Variants in GSE1 observed in about 807,000 individuals in gnomAD.
GSE1 encodes genetic suppressor element 1.
GSE1 carries 32 observed loss-of-function variants against 112.6 expected under a neutral mutation model. That is an observed-to-expected ratio of 0.28 (90% CI 0.21 to 0.38). The LOEUF (loss-of-function observed/expected upper bound fraction) is 0.38, where lower values mean the gene tolerates loss of function less well. Among genes scored for constraint, GSE1 ranks in the 10% least tolerant of loss-of-function variants. The pLI, the probability that GSE1 is intolerant of heterozygous loss-of-function variation, is 1.00. For missense variants in GSE1, 2,348 were observed against 1,699.2 expected, an observed-to-expected ratio of 1.38 and a Z score of -6.71; for synonymous variants, 1,115 against 735.6, an observed-to-expected ratio of 1.52 and a Z score of -8.35.
At position 85,262,386 on chromosome 16, in the gene GSE1, T is replaced by C. The variant is rs1597222761; in HGVS notation, c.2283+90579T>C. Among the ~76,000 whole-genome samples the C allele has an allele frequency of 2.0e-5, 3 of 152,286 alleles. No homozygotes were observed. The East Asian group carries it at 5.8e-4, about 29-fold the overall frequency. ...GTCGGGGAGGGGGCCAGCTAGAGTT[T>C]GCATCGCTTTTGACAGCTAATTAGC... On this transcript the variant is annotated intron_variant, in intron 1 of 2. Transcript: ENST00000637419.
intron 1 of GSE1, among the ~76,000 whole-genome samples, chr16:85,595,999 C>T (rs995638127): frequency 6.8e-6 from 1 of 146,842 alleles, no homozygotes; most frequent in Admixed American, 6.9e-5. Flanking sequence ...CCTCCATCCG[C>T]CCACCCATTC....
rs748516718 is a variant in GSE1, at chr16:85,661,492, G to C, written c.1987G>C (p.Glu663Gln). 1.9e-6 allele frequency: 3 copies of C among 1,611,842 alleles called. No homozygotes were observed. Among genetic ancestry groups the C allele is most frequent in the Non-Finnish European group, 1.7e-6 (2 of 1,179,532 alleles). The stretch of plus-strand genomic sequence containing the variant: ...GCCACCACGAGAGGGAGGGAGCCTG[G>C]AGCACCAGCCCTTCCTGCCCGGGCC... ...PPPPREGGSL[E>Q]HQPFLPGPGP... Residue 663 changes from glutamate to glutamine, a missense_variant, in exon 9 of 16, where the codon GAG (glutamate) becomes CAG (glutamine). Glu to Gln is a conservative substitution (Grantham distance 29). Transcript: ENST00000253458.
rs1285547274 is a variant in GSE1, at chr16:85,282,773, T to C, written c.2284-74690T>C. ...TGTTATCACCTGCCTTGAAGTCTTG[T>C]CTCTTGACAAATTTGCATAATTCTG... is the stretch of plus-strand genomic sequence containing the variant. On this transcript the variant is annotated intron_variant, in intron 1 of 2. Coordinates refer to the GSE1 transcript ENST00000637419. Among the ~76,000 whole-genome samples the C allele has an allele frequency of 2.6e-5, 4 of 152,400 alleles. No individual in the cohort carries two copies. The East Asian group carries it at 7.7e-4, about 29-fold the overall frequency.
intron 2 of GSE1, among the ~76,000 whole-genome samples, chr16:85,530,564 G>A (rs539030751): frequency 1.6e-4 from 25 of 152,134 alleles, no homozygotes; most frequent in African/African-American, 5.1e-4. Context: ...TAGAAATCCC[G>A]CTGGAGCCCA....
At chr16:85,384,765 G>A (rs949463138) in intron 2 of GSE1, among the ~76,000 whole-genome samples, 3 of 152,168 alleles carry the variant, frequency 2.0e-5, no homozygotes, top group African/African-American at 7.2e-5. Context: ...GAGGGGACAA[G>A]ATGTTGATGG....
chr16:85,524,738 A>C (rs559827607), intron 2 of GSE1, among the ~76,000 whole-genome samples: 1 of 152,056 alleles, frequency 6.6e-6, no homozygotes, highest in African/African-American at 2.4e-5. Flanking sequence ...GGGCCAGTCA[A>C]CTTCCCCCGA....
intron 2 of GSE1, among the ~76,000 whole-genome samples, chr16:85,634,462 C>T (rs1390575941): frequency 6.6e-6 from 1 of 152,194 alleles, no homozygotes; most frequent in African/African-American, 2.4e-5. Context: ...ACCAGGGGAG[C>T]CCCAAGAGGC....
At chr16:85,613,170 GA>G, upstream of GSE1, 1 of 1,387,144 alleles carries the variant, frequency 7.2e-7, no homozygotes, top group Non-Finnish European at 9.4e-7. Context: ...AGGGAGCCGG[GA>G]GCGAGCCAGT....
chr16:85,413,804 G>C (rs182650922), intron 2 of GSE1, among the ~76,000 whole-genome samples: 158 of 152,278 alleles, frequency 1.0e-3, no homozygotes, highest in African/African-American at 3.4e-3. Flanking sequence ...GTAATCCCCA[G>C]CTGTTGAGAG....
intron 2 of GSE1, among the ~76,000 whole-genome samples, chr16:85,368,470 T>C (rs780733200): frequency 1.5e-4 from 23 of 152,136 alleles, no homozygotes; most frequent in Non-Finnish European, 2.8e-4. Context: ...TTTGGGAGGC[T>C]GAGGCAGGAG....
rs138900652 is a variant in GSE1, at chr16:85,283,465, G to A, written c.2284-73998G>A. 1,105 of 152,752 alleles carry A rather than the reference G, an allele frequency of 7.2e-3. 7 individuals are homozygous for A. The highest frequency in any genetic ancestry group is 0.011 in the Non-Finnish European group (732 of 68,046). 9.5% of individuals were successfully genotyped at this position (152,752 alleles called of 1,614,324 possible). On this transcript the variant is annotated intron_variant, in intron 1 of 2. Coordinates refer to the GSE1 transcript ENST00000637419. ...ACCTTGTTCTGGAGCGAATGGGCTC[G>A]TGAGAGCCGCAGGCCCTGAGGCATG...
intron 1 of GSE1, among the ~76,000 whole-genome samples, chr16:85,247,787 A>T (rs1357280916): frequency 1.3e-5 from 2 of 152,220 alleles, no homozygotes; most frequent in East Asian, 1.9e-4. Flanking sequence ...GGCTGGGCAC[A>T]TGGGGGACAT....
chr16:85,347,460 C>G (rs373156246), intron 1 of GSE1, among the ~76,000 whole-genome samples: 6 of 152,278 alleles, frequency 3.9e-5, no homozygotes, highest in African/African-American at 1.4e-4. Flanking sequence ...GAGCTCCTGC[C>G]CTGTGCCAGC....
At chr16:85,353,722 A>G (rs1393944626) in intron 1 of GSE1, among the ~76,000 whole-genome samples, 2 of 152,166 alleles carry the variant, frequency 1.3e-5, no homozygotes, top group African/African-American at 4.8e-5. Flanking sequence ...AAATCAGAAG[A>G]TCTGTCAAGG....
At chr16:85,237,522 A>T (rs1904781969) in intron 1 of GSE1, among the ~76,000 whole-genome samples, 1 of 151,756 alleles carries the variant, frequency 6.6e-6, no homozygotes, top group Admixed American at 6.6e-5. Flanking sequence ...GCTTCTCCGT[A>T]AGGTACTGGG....
chr16:85,517,276 A>C (rs2051981044), intron 2 of GSE1, among the ~76,000 whole-genome samples: 1 of 151,954 alleles, frequency 6.6e-6, no homozygotes, highest in South Asian at 2.1e-4. Context: ...ACCTGAGGAC[A>C]CACGCAGGGG....
intron 2 of GSE1, among the ~76,000 whole-genome samples, chr16:85,369,749 C>T (rs2047256209): frequency 6.6e-6 from 1 of 152,222 alleles, no homozygotes; most frequent in Non-Finnish European, 1.5e-5. Flanking sequence ...AACACACTCT[C>T]CCTGGCTGGG....
chr16:85,637,100 C>T (rs1313636135), intron 2 of GSE1, among the ~76,000 whole-genome samples: 1 of 152,250 alleles, frequency 6.6e-6, no homozygotes, highest in East Asian at 1.9e-4. Flanking sequence ...TTTTCCTACA[C>T]AGTTGTGTGA....
intron 2 of GSE1, among the ~76,000 whole-genome samples, chr16:85,542,735 C>G (rs1191460436): frequency 6.6e-6 from 1 of 152,230 alleles, no homozygotes; most frequent in Non-Finnish European, 1.5e-5. Flanking sequence ...CACACAGCAC[C>G]TGGTTTGTGG....
Sources: gnomAD v4.1 joint callset for allele counts (sites outside exome capture counted in the v4.1 genomes callset) on GRCh38, gnomAD v4.1.1 for gene constraint, MANE v1.5 for transcripts, NCBI Gene and HGNC (gene_info 2026-07-23, HGNC 2026-07-21) for gene names.